The following TES variants were observed in gnomAD, a reference collection of about 807,000 sequenced individuals.
The protein encoded by TES is testin LIM domain protein.
In TES, 41 loss-of-function variants were observed where a neutral mutation model predicts 48.2. The ratio of observed to expected loss-of-function variants is 0.85; its 90% confidence interval spans 0.66 to 1.10. The LOEUF (loss-of-function observed/expected upper bound fraction) is 1.10, where lower values mean the gene tolerates loss of function less well. TES is among the 50% of genes least tolerant of loss of function. The probability of loss-of-function intolerance (pLI) is 0.00; values close to 1 mark genes in which losing one functional copy is unlikely to be tolerated. For synonymous variants in TES, 162 were observed against 174.9 expected, an observed-to-expected ratio of 0.93 and a Z score of 0.58; for missense variants, 463 against 515.1, an observed-to-expected ratio of 0.90 and a Z score of 0.98.
chr7:116,216,351 A>G (rs1799493638), intron 1 of TES, among the ~76,000 whole-genome samples: 1 of 152,048 alleles, frequency 6.6e-6, no homozygotes, highest in African/African-American at 2.4e-5. Flanking sequence ...TCTCACTTCC[A>G]TTTATCAGTA....
Position 116,253,581 on chromosome 7 carries a change from C to T in TES, c.1077+1105C>T, listed in dbSNP as rs570162090. 9.2e-5 allele frequency among the ~76,000 whole-genome samples: 14 copies of T among 152,270 alleles called. No individual in the cohort carries two copies. In the South Asian group the frequency reaches 1.7e-3, roughly 18 times the overall value. On this transcript the variant is annotated intron_variant, in intron 6 of 6. Transcript: ENST00000358204. ...ATAGATCTGGCCCCTTCTTGCCTCT[C>T]CTGTCCCTTCTACTAGTTATCCAAC...
chr7:116,250,218 G>A lies in TES; in HGVS notation c.424G>A (p.Gly142Arg). ...KEKQPVAGSE[G>R]AQYRKKQLAK... ...AAAGCAGCCAGTAGCAGGCTCAGAG[G>A]GGGCACAGTACCGGAAGAAGCAGCT... The change falls in exon 4 of 7, where the codon GGG becomes AGG. Residue 142 changes from glycine (G) to arginine (R), a missense_variant. Coordinates refer to ENST00000358204, the MANE Select transcript of TES (RefSeq NM_015641.4). The A allele has an allele frequency of 6.3e-7, 1 of 1,594,768 alleles. No individual in the cohort carries two copies. The highest frequency in any genetic ancestry group is 8.5e-7 in the Non-Finnish European group (1 of 1,171,996).
Position 116,249,202 on chromosome 7 carries a change from C to A in TES, c.296C>A (p.Ala99Asp). 1 of 1,614,078 alleles carries A rather than the reference C, an allele frequency of 6.2e-7. No homozygotes were observed. The highest frequency in any genetic ancestry group is 8.5e-7 in the Non-Finnish European group (1 of 1,179,972). The change falls in exon 3 of 7, where the codon GCT (alanine) becomes GAT (aspartate). Residue 99 changes from alanine (A) to aspartate (D), a missense_variant. Transcript: ENST00000358204. ...GTTATGATATTGACGAATCCAGTTG[C>A]TGCCAAGAAGAATGTCTCCATCAAT... ...RNVMILTNPV[A>D]AKKNVSINTV... is the part of the protein sequence containing the mutation.
intron 1 of TES, among the ~76,000 whole-genome samples, chr7:116,233,028 C>T (rs1348131840): frequency 1.3e-5 from 2 of 152,166 alleles, no homozygotes; most frequent in Admixed American, 1.3e-4. Flanking sequence ...ACTGATCTTT[C>T]AAGGAACCAG....
At position 116,234,523 on chromosome 7, in the gene TES, C is replaced by A. The variant is rs1799740413; in HGVS notation, c.28-11C>A. The A allele has an allele frequency of 1.9e-6, 3 of 1,610,078 alleles. No individual in the cohort carries two copies. The highest frequency in any genetic ancestry group is 2.5e-6 in the Non-Finnish European group (3 of 1,177,974). On this transcript the variant is annotated splice_polypyrimidine_tract_variant and intron_variant, in intron 1 of 6. Transcript: ENST00000358204. ...TCTAATAACAGATTCATGATGTTTT[C>A]TTTTTAACAGATGGGCTTAGGTCAC...
intron 2 of TES, among the ~76,000 whole-genome samples, chr7:116,246,771 A>G (rs1475566505): frequency 6.6e-6 from 1 of 152,042 alleles, no homozygotes; most frequent in Non-Finnish European, 1.5e-5. Context: ...CCTAAATATC[A>G]TCTTCTTATG....
intron 2 of TES, among the ~76,000 whole-genome samples, chr7:116,241,907 C>T (rs1799853986): frequency 6.6e-6 from 1 of 152,170 alleles, no homozygotes; most frequent in African/African-American, 2.4e-5. Context: ...TTATATTTAA[C>T]ACTTTCACAG....
At chr7:116,217,360 A>C (rs1799505728) in intron 1 of TES, among the ~76,000 whole-genome samples, 1 of 152,168 alleles carries the variant, frequency 6.6e-6, no homozygotes, top group Non-Finnish European at 1.5e-5. Flanking sequence ...AAATAGACTT[A>C]CACCTATAAT....
intron 4 of TES, among the ~76,000 whole-genome samples, chr7:116,251,237 G>T (rs920630141): frequency 6.6e-6 from 1 of 152,198 alleles, no homozygotes; most frequent in Non-Finnish European, 1.5e-5. Context: ...CAGGGTGAAT[G>T]AAGTAGATTT....
At chr7:116,251,702 AAG>A (rs1800012529) in intron 4 of TES, 56 bp from the exon 5 acceptor site, 1 of 1,476,756 alleles carries the variant, frequency 6.8e-7, no homozygotes, top group Non-Finnish European at 9.3e-7. Context: ...AAAAGAAAGA[AAG>A]AAAAGAAATG....
rs1799423396 is a variant in TES, at chr7:116,210,607, G to A, written c.-101G>A. On this transcript the variant is annotated 5_prime_UTR_variant, in exon 1 of 7. Coordinates refer to ENST00000358204, the MANE Select transcript of TES (RefSeq NM_015641.4). ...GTGGCTGTTGAGCGGCGCCGCGGGA[G>A]TTCCGCAGGTTTCCCGTGTTCGCAG... 4.1e-6 allele frequency: 5 copies of A among 1,213,650 alleles called. No individual in the cohort carries two copies. Among genetic ancestry groups the A allele is most frequent in the Non-Finnish European group, 5.3e-6 (5 of 948,506 alleles). 75.2% of individuals were successfully genotyped at this position (1,213,650 alleles called of 1,614,324 possible).
chr7:116,217,745 G>T (rs758129070), intron 1 of TES: 1 of 514,566 alleles, frequency 1.9e-6, no homozygotes, highest in Non-Finnish European at 3.9e-6. Context: ...TTTAAAATTT[G>T]CCTCAAGCAC....
Position 116,234,593 on chromosome 7 carries a change from T to A in TES, c.87T>A (p.Cys29Ter). The change falls in exon 2 of 7, where the codon TGT becomes TGA. Residue 29 changes from cysteine to a stop codon, truncating the protein, a stop_gained. Transcript: ENST00000358204. LOFTEE classifies it high-confidence loss of function. ...GAPCLKCKEK[C>*]EGFELHFWRK... ...CTTGTTTAAAATGCAAAGAAAAATG[T>A]GAAGGATTCGAACTGCACTTCTGGA... is the stretch of plus-strand genomic sequence containing the variant. 6.2e-7 allele frequency: 1 copy of A among 1,613,940 alleles called. No homozygotes were observed. The highest frequency in any genetic ancestry group is 1.3e-5 in the African/African-American group (1 of 75,034).
At position 116,229,024 on chromosome 7, in the gene TES, AT is replaced by A. The variant is rs1563007766; in HGVS notation, c.28-5509del. Among the ~76,000 whole-genome samples, 85 of 137,088 alleles carry A rather than the reference AT, an allele frequency of 6.2e-4. 1 individual carries two copies. The highest frequency in any genetic ancestry group is 1.3e-3 in the East Asian group (6 of 4,616). 89.9% of individuals were successfully genotyped at this position (137,088 alleles called of 152,430 possible). A position where few individuals can be genotyped will look rare whatever the true frequency, so the allele number is the denominator to read the frequency against. On this transcript the variant is annotated intron_variant, in intron 1 of 6. Transcript: ENST00000358204. The stretch of plus-strand genomic sequence containing the variant: ...TATATATATATATATATATATATAT[AT>A]ATATATATAATCATTTCCTTAATAT...
At chr7:116,256,863 TTAG>T (rs1366233745) in intron 6 of TES, among the ~76,000 whole-genome samples, 1 of 152,226 alleles carries the variant, frequency 6.6e-6, no homozygotes, top group African/African-American at 2.4e-5. Flanking sequence ...TGTCTAGAAA[TTAG>T]TGGTGTTAAT....
intron 1 of TES, among the ~76,000 whole-genome samples, chr7:116,229,183 T>G (rs1336315070): frequency 6.6e-6 from 1 of 151,866 alleles, no homozygotes; most frequent in Non-Finnish European, 1.5e-5. Flanking sequence ...TGGGCTCACC[T>G]TCCTCCCTGC....
At chr7:116,230,446 T>C (rs1352255559) in intron 1 of TES, among the ~76,000 whole-genome samples, 1 of 152,202 alleles carries the variant, frequency 6.6e-6, no homozygotes, top group Non-Finnish European at 1.5e-5. Flanking sequence ...CTTTCTGGGT[T>C]TTCCAGAGCG....
At chr7:116,234,419 T>G in intron 1 of TES, 115 bp from the exon 2 acceptor site, 1 of 851,382 alleles carries the variant, frequency 1.2e-6, no homozygotes, top group Non-Finnish European at 1.9e-6. Flanking sequence ...AAATATAAGA[T>G]TTGTTTGAAA....
At chr7:116,214,043 G>A (rs1799467222) in intron 1 of TES, among the ~76,000 whole-genome samples, 1 of 151,944 alleles carries the variant, frequency 6.6e-6, no homozygotes, top group African/African-American at 2.4e-5. Context: ...TTACTGCCTG[G>A]AATTGCTGCA....
Sources: allele counts gnomAD v4.1 joint callset (sites outside exome capture counted in the v4.1 genomes callset), GRCh38; gene constraint gnomAD v4.1.1; transcripts MANE v1.5; gene names NCBI Gene and HGNC (gene_info 2026-07-23, HGNC 2026-07-21).